CDCA2: variants seen among roughly 807,000 people sequenced by gnomAD.
CDCA2 encodes the protein cell division cycle-associated protein 2.
Under a neutral mutation model 67.0 loss-of-function variants are expected in CDCA2, and 44 were observed. That is an observed-to-expected ratio of 0.66 (90% CI 0.52 to 0.84). The LOEUF is 0.84. CDCA2 is among the 40% of genes least tolerant of loss of function. The probability of loss-of-function intolerance (pLI) is 0.00; values close to 1 mark genes in which losing one functional copy is unlikely to be tolerated. For synonymous variants in CDCA2, 447 were observed against 418.7 expected (o/e 1.07, Z -0.82); for missense variants, 1,253 against 1,203.2 (o/e 1.04, Z -0.61).
At chr8:25,468,118 CAAAAAAAAAAAAAAA>C in intron 5 of CDCA2, 84 bp from the exon 6 acceptor site, 1 of 147,630 alleles carries the variant, frequency 6.8e-6, no homozygotes, top group East Asian at 2.3e-4. Flanking sequence ...AACTCCGTCT[CAAAAAAAAAAAAAAA>C]AAAAAAGAAA....
intron 3 of CDCA2, among the ~76,000 whole-genome samples, chr8:25,460,799 A>G (rs2117471480): frequency 6.6e-6 from 1 of 152,282 alleles, no homozygotes; most frequent in South Asian, 2.1e-4. Flanking sequence ...TGATGCCAAT[A>G]CTAGAAAATA....
chr8:25,469,989 T>G lies in CDCA2; in HGVS notation c.820+9T>G. 1 of 1,577,002 alleles carries G rather than the reference T, an allele frequency of 6.3e-7. No homozygotes were observed. Among genetic ancestry groups the G allele is most frequent in the Admixed American group, 1.7e-5 (1 of 59,710 alleles). On this transcript the variant is annotated intron_variant, in intron 7 of 14. Transcript: ENST00000330560. ...CACAGAGACTTCAAATGGTAAGTAA[T>G]CTTTTCTTAGTACATGGCCAGTTGC...
chr8:25,507,001 T>C lies in CDCA2; in HGVS notation c.2335T>C (p.Cys779Arg). The change falls in exon 15 of 15, where the codon TGC becomes CGC. Residue 779 changes from cysteine (C) to arginine (R), a missense_variant. Coordinates refer to ENST00000330560, the MANE Select transcript of CDCA2 (RefSeq NM_152562.4). Reference sequence around the variant, plus strand: ...AGGAGCTGCAGAAGGAAAACTGCAATGCAATCGTTTAATGCCTAATTCACA... The same window carrying C: ...AGGAGCTGCAGAAGGAAAACTGCAACGCAATCGTTTAATGCCTAATTCACA... ...FLGAAEGKLQ[C>R]NRLMPNSQKD... The C allele has an allele frequency of 6.2e-7, 1 of 1,614,176 alleles. No individual in the cohort carries two copies. The highest frequency in any genetic ancestry group is 2.2e-5 in the East Asian group (1 of 44,864).
chr8:25,460,417 TTG>T lies in CDCA2; in HGVS notation c.98_99del (p.Val33AspfsTer11). 1 of 1,614,166 alleles carries T rather than the reference TTG, an allele frequency of 6.2e-7. No individual in the cohort carries two copies. The highest frequency in any genetic ancestry group is 8.5e-7 in the Non-Finnish European group (1 of 1,180,040). ...TCTTTCATTTTGGGAACTGGGAAGATTGTGACTCCTCAGAAGCATGCCGAATT... is the reference window on the plus strand; with the variant it reads ...TCTTTCATTTTGGGAACTGGGAAGATTGACTCCTCAGAAGCATGCCGAATT... On this transcript the variant is annotated frameshift_variant, in exon 3 of 15. Coordinates refer to ENST00000330560, the MANE Select transcript of CDCA2 (RefSeq NM_152562.4). LOFTEE classifies it high-confidence loss of function.
intron 7 of CDCA2, among the ~76,000 whole-genome samples, chr8:25,478,885 T>TAC (rs1280439100): frequency 8.1e-4 from 98 of 121,128 alleles, no homozygotes; most frequent in African/African-American, 3.0e-3. Flanking sequence ...TTGTTGTGTG[T>TAC]GTGTATATAT....
intron 8 of CDCA2, among the ~76,000 whole-genome samples, chr8:25,480,587 A>G (rs1446358292): frequency 6.6e-6 from 1 of 152,214 alleles, no homozygotes; most frequent in African/African-American, 2.4e-5. Context: ...GAGAAAGTTG[A>G]TGGGAACTAG....
At chr8:25,493,913 A>G (rs992386274) in intron 13 of CDCA2, among the ~76,000 whole-genome samples, 5 of 152,252 alleles carry the variant, frequency 3.3e-5, no homozygotes, top group African/African-American at 1.2e-4. Flanking sequence ...TCCATCTCAA[A>G]GATCCACTGA....
At position 25,507,672 on chromosome 8, in the gene CDCA2, T is replaced by A. The variant is rs757785425; in HGVS notation, c.3006T>A (p.Asn1002Lys). The A allele has an allele frequency of 6.8e-6, 11 of 1,614,028 alleles. No individual in the cohort carries two copies. Among genetic ancestry groups the A allele is most frequent in the Non-Finnish European group, 9.3e-6 (11 of 1,180,016 alleles). ...GCTACCGGAGAAGATCCTCTCTTAA[T>A]GGGAAGGGAGAGAGCTCTCTGACTG... ...FKGYRRRSSL[N>K]GKGESSLTAL... The change falls in exon 15 of 15, where the codon AAT (asparagine) becomes AAA (lysine). Residue 1002 changes from asparagine to lysine, a missense_variant. By Grantham distance (94) the Asn-to-Lys change is moderately conservative. Coordinates refer to ENST00000330560, the MANE Select transcript of CDCA2 (RefSeq NM_152562.4).
At chr8:25,497,109 C>T (rs1051645389) in intron 13 of CDCA2, among the ~76,000 whole-genome samples, 1 of 152,028 alleles carries the variant, frequency 6.6e-6, no homozygotes, top group Admixed American at 6.5e-5. Context: ...TTTTTTTCCC[C>T]TGGTCTCTGG....
At chr8:25,476,790 G>T (rs1264977662) in intron 7 of CDCA2, among the ~76,000 whole-genome samples, 1 of 151,934 alleles carries the variant, frequency 6.6e-6, no homozygotes, top group Non-Finnish European at 1.5e-5. Flanking sequence ...CTAACCTCTG[G>T]TGATCTGCCC....
At chr8:25,489,572 C>T (rs1387432742) in intron 13 of CDCA2, among the ~76,000 whole-genome samples, 1 of 152,170 alleles carries the variant, frequency 6.6e-6, no homozygotes, top group Non-Finnish European at 1.5e-5. Context: ...GGGGATAGTA[C>T]TACTACACAT....
intron 1 of CDCA2, among the ~76,000 whole-genome samples, chr8:25,459,969 C>G (rs914734050): frequency 5.9e-5 from 9 of 152,030 alleles, no homozygotes; most frequent in African/African-American, 1.9e-4. Flanking sequence ...TTGTTTATAA[C>G]AAAAAGGATA....
At chr8:25,492,423 A>T (rs543905493) in intron 13 of CDCA2, among the ~76,000 whole-genome samples, 2 of 152,332 alleles carry the variant, frequency 1.3e-5, no homozygotes, top group East Asian at 3.9e-4. Context: ...AAATTTGAGC[A>T]GGGAGAAGGA....
chr8:25,460,230 C>A lies in CDCA2; in HGVS notation c.1-10C>A. The A allele has an allele frequency of 6.2e-7, 1 of 1,613,860 alleles. No individual in the cohort carries two copies. The stretch of plus-strand genomic sequence containing the variant: ...GGGGTTATTTTTCATTGTTTTTCTT[C>A]ACCTCTTAGATGGATGCCAATTCAA... On this transcript the variant is annotated splice_polypyrimidine_tract_variant and intron_variant, in intron 1 of 14. Coordinates refer to ENST00000330560, the MANE Select transcript of CDCA2 (RefSeq NM_152562.4).
At chr8:25,485,909 C>G in intron 11 of CDCA2, 72 bp downstream of exon 11, 1 of 902,936 alleles carries the variant, frequency 1.1e-6, no homozygotes, top group Non-Finnish European at 1.7e-6. Flanking sequence ...TTTTTGTTTT[C>G]TTTTAAAAAT....
At position 25,474,438 on chromosome 8, in the gene CDCA2, C is replaced by G. The variant is rs532201206; in HGVS notation, c.820+4458C>G. On this transcript the variant is annotated intron_variant, in intron 7 of 14. Transcript: ENST00000330560. ...TTCTTTTGGTGGGACATTTTTATTACTAATTCAGTCGTCTTCTCACTCATT... is the reference window on the plus strand; with the variant it reads ...TTCTTTTGGTGGGACATTTTTATTAGTAATTCAGTCGTCTTCTCACTCATT... 1.2e-4 allele frequency among the ~76,000 whole-genome samples: 19 copies of G among 152,294 alleles called. No individual in the cohort carries two copies. The South Asian group carries it at 3.1e-3, about 25-fold the overall frequency.
chr8:25,464,575 TCTC>T (rs1421927537), intron 4 of CDCA2, among the ~76,000 whole-genome samples: 2 of 152,186 alleles, frequency 1.3e-5, no homozygotes, highest in African/African-American at 2.4e-5. Context: ...TAAACATTGT[TCTC>T]CTTCTCCAGT....
At chr8:25,459,188 G>GCGGGGT (rs977815174), upstream of CDCA2, 5 of 152,580 alleles carry the variant, frequency 3.3e-5, no homozygotes, top group African/African-American at 4.8e-5. Flanking sequence ...GTACCGAGGG[G>GCGGGGT]CGGGGTCGGG....
At chr8:25,488,909 C>T (rs1184062987) in intron 13 of CDCA2, among the ~76,000 whole-genome samples, 3 of 152,098 alleles carry the variant, frequency 2.0e-5, no homozygotes, top group East Asian at 3.9e-4. Flanking sequence ...GTGTTGCGTA[C>T]TTCCTGCACA....
Sources: allele counts gnomAD v4.1 joint callset (sites outside exome capture counted in the v4.1 genomes callset), GRCh38; gene constraint gnomAD v4.1.1; transcripts MANE v1.5; gene names NCBI Gene and HGNC (gene_info 2026-07-23, HGNC 2026-07-21).